The following PCDHA2 variants were observed in gnomAD, a reference collection of about 807,000 sequenced individuals.
PCDHA2 encodes the protein protocadherin alpha 2, also known as protocadherin alpha-2.
PCDHA2 carries 58 observed loss-of-function variants against 66.0 expected under a neutral mutation model. The ratio of observed to expected loss-of-function variants is 0.88; its 90% CI spans 0.71 to 1.09. PCDHA2 has a LOEUF of 1.09. PCDHA2 is among the 50% of genes least tolerant of loss of function. PCDHA2 has a pLI of 0.00. For synonymous variants in PCDHA2, 634 were observed against 554.0 expected (o/e 1.14, Z -2.03); for missense variants, 1,267 against 1,242.3 (o/e 1.02, Z -0.30).
At chr5:140,807,467 G>T in intron 1 of PCDHA2, 2 of 1,612,686 alleles carry the variant, frequency 1.2e-6, no homozygotes, top group Non-Finnish European at 1.7e-6. Flanking sequence ...CGACCGGGAG[G>T]AGCTGTGCCG....
At chr5:140,919,175 T>C (rs1282672890) in intron 1 of PCDHA2, among the ~76,000 whole-genome samples, 1 of 152,248 alleles carries the variant, frequency 6.6e-6, no homozygotes, top group Non-Finnish European at 1.5e-5. Context: ...AGTTGCTATA[T>C]CTTCCTGATT....
chr5:140,856,373 G>A (rs781914523), intron 1 of PCDHA2: 1 of 1,598,562 alleles, frequency 6.3e-7, no homozygotes, highest in Non-Finnish European at 8.6e-7. Context: ...GGAGGTGATC[G>A]TGGACAGGCC....
At chr5:140,941,219 C>CTT (rs1308794823) in intron 1 of PCDHA2, among the ~76,000 whole-genome samples, 11 of 125,974 alleles carry the variant, frequency 8.7e-5, no homozygotes, top group African/African-American at 3.2e-4. Flanking sequence ...TTCTTCCTTT[C>CTT]TTTCTTTCTT....
chr5:140,801,795 T>G (rs141036392), intron 1 of PCDHA2: 23 of 1,613,804 alleles, frequency 1.4e-5, no homozygotes, highest in African/African-American at 2.7e-5. Flanking sequence ...GAAAAAAAAT[T>G]TAAATCGAGA....
At chr5:140,967,174 G>A (rs1554229282) in intron 1 of PCDHA2, 1 of 1,611,892 alleles carries the variant, frequency 6.2e-7, no homozygotes, top group Non-Finnish European at 8.5e-7. Flanking sequence ...CCGTTGAGGT[G>A]GAAATATTGG....
intron 1 of PCDHA2, among the ~76,000 whole-genome samples, chr5:140,839,682 A>AT (rs1213854043): frequency 2.0e-5 from 3 of 152,030 alleles, no homozygotes; most frequent in Non-Finnish European, 4.4e-5. Flanking sequence ...AACTACAGAG[A>AT]TTTTTTTGGG....
At chr5:140,929,096 C>T (rs113293568) in intron 1 of PCDHA2, 45,094 of 1,614,150 alleles carry the variant, frequency 0.028, 813 homozygotes, top group Non-Finnish European at 0.033. Context: ...GTTTCAAATC[C>T]TTGCATGACA....
chr5:140,852,915 G>T (rs112871977), intron 1 of PCDHA2: 1 of 783,362 alleles, frequency 1.3e-6, no homozygotes, highest in Non-Finnish European at 1.6e-6. Context: ...GTCTCGCTCT[G>T]TTGCCCAGGC....
intron 1 of PCDHA2, chr5:140,968,473 G>T (rs1389339011): frequency 6.2e-7 from 1 of 1,613,980 alleles, no homozygotes; most frequent in African/African-American, 1.3e-5. Context: ...ACGTATATGT[G>T]GTGGACATGA....
chr5:140,811,590 G>T (rs1482503407), intron 1 of PCDHA2: 1 of 152,170 alleles, frequency 6.6e-6, no homozygotes, highest in African/African-American at 2.4e-5. Flanking sequence ...CTTCCACAAT[G>T]GTTGAACTAG....
At chr5:140,837,560 A>G (rs2150276693) in intron 1 of PCDHA2, among the ~76,000 whole-genome samples, 2 of 152,102 alleles carry the variant, frequency 1.3e-5, no homozygotes, top group East Asian at 1.9e-4. Context: ...AATTATATAA[A>G]TATATTTACA....
rs115903226 is a variant in PCDHA2 at position 140,929,361 on chromosome 5, C to A, written c.2389-49588C>A. 4,899 of 1,519,562 alleles carry A rather than the reference C, an allele frequency of 3.2e-3. 25 individuals carry two copies. The highest frequency in any genetic ancestry group is 0.019 in the African/African-American group (1,394 of 71,916). 94.1% of individuals were successfully genotyped at this position (1,519,562 alleles called of 1,614,324 possible). On this transcript the variant is annotated intron_variant, in intron 1 of 3. Coordinates refer to ENST00000526136, the MANE Select transcript of PCDHA2 (RefSeq NM_018905.3). ...TTTATGGAATTTGATTCCTTTGGCC[C>A]GGAGATGGCTGCTAGCTGTGTTTTG...
At chr5:140,928,555 A>T in intron 1 of PCDHA2, 1 of 1,614,240 alleles carries the variant, frequency 6.2e-7, no homozygotes, top group South Asian at 1.1e-5. Flanking sequence ...TTATCCGGTT[A>T]TCTTGTTTCC....
intron 1 of PCDHA2, chr5:140,807,875 A>C: frequency 6.2e-7 from 1 of 1,614,190 alleles, no homozygotes; most frequent in Non-Finnish European, 8.5e-7. Context: ...TCAGTTACTC[A>C]TCACAGTACT....
chr5:140,822,122 T>C (rs2150113817), intron 1 of PCDHA2: 12 of 1,614,232 alleles, frequency 7.4e-6, no homozygotes, highest in Non-Finnish European at 1.0e-5. Context: ...CTGCAGGTTT[T>C]CCATGTGGAG....
chr5:140,907,163 T>C (rs1019409387), intron 1 of PCDHA2, among the ~76,000 whole-genome samples: 1 of 152,162 alleles, frequency 6.6e-6, no homozygotes, highest in Non-Finnish European at 1.5e-5. Context: ...TACCATATAT[T>C]GGATGCTGAT....
At chr5:140,858,685 T>C in intron 1 of PCDHA2, 1 of 595,990 alleles carries the variant, frequency 1.7e-6, no homozygotes, top group Non-Finnish European at 2.8e-6. Flanking sequence ...AATACACTAA[T>C]ATTTTCCAAT....
At chr5:140,929,249 G>C (rs1212088369) in intron 1 of PCDHA2, 14 of 1,613,366 alleles carry the variant, frequency 8.7e-6, no homozygotes, top group Non-Finnish European at 1.2e-5. Flanking sequence ...CTTGCCACTG[G>C]GGTAGGACTG....
chr5:140,867,956 C>T (rs1581824842), intron 1 of PCDHA2: 1 of 151,940 alleles, frequency 6.6e-6, no homozygotes, highest in East Asian at 1.9e-4. Context: ...GCTCCCAAAC[C>T]CAAAATTCTT....
Sources: allele counts gnomAD v4.1 joint callset (sites outside exome capture counted in the v4.1 genomes callset), GRCh38; gene constraint gnomAD v4.1.1; transcripts MANE v1.5; gene names NCBI Gene and HGNC (gene_info 2026-07-23, HGNC 2026-07-21).